The following CAPN13 variants were observed in gnomAD, a reference collection of about 807,000 sequenced individuals.
CAPN13 encodes the protein calpain-13.
In CAPN13, 90 loss-of-function variants were observed where a neutral mutation model predicts 98.4. The observed-to-expected ratio is 0.92, with a 90% CI of 0.77 to 1.09. CAPN13 has a LOEUF of 1.09. Among genes scored for constraint, CAPN13 ranks in the 50% least tolerant of loss-of-function variants. The pLI is 0.00. For synonymous variants in CAPN13, 330 were observed against 305.5 expected (o/e 1.08, Z -0.84); for missense variants, 887 against 841.3 (o/e 1.05, Z -0.67).
intron 15 of CAPN13, chr2:30,741,521 C>T (rs1671652423): frequency 9.5e-7 from 1 of 1,055,352 alleles, no homozygotes; most frequent in Non-Finnish European, 1.1e-6. Flanking sequence ...TATGTGCTTT[C>T]TGAAGCTGGC....
intron 11 of CAPN13, 103 bp from the exon 12 acceptor site, chr2:30,745,837 T>C: frequency 1.2e-6 from 1 of 861,032 alleles, no homozygotes; most frequent in Non-Finnish European, 1.8e-6. Context: ...CTGCATTCCT[T>C]CTCCTTTTCT....
intron 15 of CAPN13, among the ~76,000 whole-genome samples, chr2:30,740,827 A>C (rs1671615713): frequency 6.6e-6 from 1 of 152,222 alleles, no homozygotes; most frequent in Admixed American, 6.5e-5. Context: ...CCTGCCACTG[A>C]AGGAAGCTTG....
At chr2:30,752,447 C>G (rs535645628) in intron 10 of CAPN13, among the ~76,000 whole-genome samples, 1 of 152,312 alleles carries the variant, frequency 6.6e-6, no homozygotes, top group East Asian at 1.9e-4. Context: ...AGGCCATGAT[C>G]AACAAGATTC....
At chr2:30,725,093 T>C (rs572930614) in intron 22 of CAPN13, among the ~76,000 whole-genome samples, 3 of 152,198 alleles carry the variant, frequency 2.0e-5, no homozygotes, top group Non-Finnish European at 2.9e-5. Flanking sequence ...TGGATGTAGA[T>C]GACATTAGCT....
intron 22 of CAPN13, among the ~76,000 whole-genome samples, chr2:30,723,701 AG>A (rs1234954074): frequency 6.6e-6 from 1 of 152,186 alleles, no homozygotes; most frequent in African/African-American, 2.4e-5. Context: ...TCTCAAGTGC[AG>A]GGGGCTTGGA....
At chr2:30,799,911 A>C (rs558509153) in intron 1 of CAPN13, among the ~76,000 whole-genome samples, 1 of 151,958 alleles carries the variant, frequency 6.6e-6, no homozygotes, top group East Asian at 1.9e-4. Flanking sequence ...GTCTCTACTA[A>C]AAATACAAAA....
intron 15 of CAPN13, among the ~76,000 whole-genome samples, chr2:30,740,800 T>C (rs1440895696): frequency 1.3e-5 from 2 of 152,232 alleles, no homozygotes; most frequent in African/African-American, 2.4e-5. Context: ...GCATGGGCCA[T>C]GTGTGAGAAT....
At chr2:30,780,661 G>GA in intron 2 of CAPN13, among the ~76,000 whole-genome samples, 1 of 152,198 alleles carries the variant, frequency 6.6e-6, no homozygotes, top group African/African-American at 2.4e-5. Flanking sequence ...AAGTTTATGG[G>GA]AAAACATAGG....
At chr2:30,796,466 T>C (rs967510337) in intron 1 of CAPN13, among the ~76,000 whole-genome samples, 5 of 151,994 alleles carry the variant, frequency 3.3e-5, no homozygotes, top group African/African-American at 1.2e-4. Flanking sequence ...TGCACTGTAA[T>C]AGTCACAGAG....
chr2:30,752,815 T>C (rs1176305516), intron 10 of CAPN13, among the ~76,000 whole-genome samples: 1 of 152,234 alleles, frequency 6.6e-6, no homozygotes, highest in Non-Finnish European at 1.5e-5. Context: ...TGGAAGGATA[T>C]TGGCACAGCA....
chr2:30,758,934 C>T (rs1330620984), intron 7 of CAPN13, among the ~76,000 whole-genome samples: 4 of 142,998 alleles, frequency 2.8e-5, no homozygotes, highest in Non-Finnish European at 6.1e-5. Flanking sequence ...CTTCCTTTTC[C>T]TCCCTCCCTC....
rs530076708 is a variant in CAPN13 at position 30,798,586 on chromosome 2, A to G, written c.-33+8716T>C. ...TAATTTTGTTTGCATTTTGTTTTCAATCAGCTAAGAAACAGGAAGCTGCAT... is the reference window on the plus strand; with the variant it reads ...TAATTTTGTTTGCATTTTGTTTTCAGTCAGCTAAGAAACAGGAAGCTGCAT... On this transcript the variant is annotated intron_variant, in intron 1 of 22. Transcript: ENST00000295055. 2.6e-5 allele frequency among the ~76,000 whole-genome samples: 4 copies of G among 152,202 alleles called. 1 individual carries two copies. Among genetic ancestry groups the G allele is most frequent in the Non-Finnish European group, 4.4e-5 (3 of 68,046 alleles).
chr2:30,781,899 A>G (rs1486214767), intron 2 of CAPN13, among the ~76,000 whole-genome samples: 1 of 152,202 alleles, frequency 6.6e-6, no homozygotes, highest in Non-Finnish European at 1.5e-5. Flanking sequence ...CTAGCAATAA[A>G]TATGTCAACA....
intron 8 of CAPN13, among the ~76,000 whole-genome samples, chr2:30,754,703 T>A (rs1046222549): frequency 6.6e-6 from 1 of 152,012 alleles, no homozygotes; most frequent in Admixed American, 6.5e-5. Context: ...GAGGAGTCCC[T>A]CTCTCACACC....
At position 30,777,629 on chromosome 2, in the gene CAPN13, C is replaced by CT; in HGVS notation, c.208_209insA (p.Gly70GlufsTer10). The CT allele has an allele frequency of 6.4e-7, 1 of 1,573,396 alleles. No homozygotes were observed. Among genetic ancestry groups the CT allele is most frequent in the South Asian group, 1.2e-5 (1 of 85,422 alleles). Reference sequence around the variant, plus strand: ...ATCCAGGATGAAGTGAGGAGGACCCCCTGGTAGATCCTTTAGGAAAGAGGG... The same window carrying CT: ...ATCCAGGATGAAGTGAGGAGGACCCCTCTGGTAGATCCTTTAGGAAAGAGGG... On this transcript the variant is annotated frameshift_variant, in exon 3 of 23. Transcript: ENST00000295055. LOFTEE classifies it high-confidence loss of function.
intron 11 of CAPN13, among the ~76,000 whole-genome samples, chr2:30,749,483 A>G (rs1344118780): frequency 1.3e-5 from 2 of 152,220 alleles, no homozygotes; most frequent in East Asian, 3.9e-4. Context: ...GTGTCTGTCC[A>G]TAAATGCACT....
At chr2:30,746,660 A>G in intron 11 of CAPN13, 1 of 205,144 alleles carries the variant, frequency 4.9e-6, no homozygotes, top group South Asian at 8.1e-5. Context: ...GGAATGGATC[A>G]ATGAGGATAA....
chr2:30,800,148 G>GAAAGAAAGAAAGAAAGAAAGAA (rs1558351660), intron 1 of CAPN13, among the ~76,000 whole-genome samples: 2 of 147,956 alleles, frequency 1.4e-5, no homozygotes, highest in Non-Finnish European at 1.5e-5. Flanking sequence ...AAGAAAGAAA[G>GAAAGAAAGAAAGAAAGAAAGAA]AAAGAAAGAA....
At position 30,754,362 on chromosome 2, in the gene CAPN13, G is replaced by A; in HGVS notation, c.869C>T (p.Ser290Phe). 1 of 1,603,692 alleles carries A rather than the reference G, an allele frequency of 6.2e-7. No individual in the cohort carries two copies. Among genetic ancestry groups the A allele is most frequent in the Non-Finnish European group, 8.5e-7 (1 of 1,176,142 alleles). ...ATCACAGGTTTCCTCCCACTCCTGA[G>A]ACCTGAGCATGGACACACAAACCAC... ...AEWRGRWSDG[S>F]QEWEETCDPR... is the part of the protein sequence containing the mutation. The change falls in exon 9 of 23, where the codon TCT becomes TTT. Residue 290 changes from serine to phenylalanine, a missense_variant and splice_region_variant. Coordinates refer to ENST00000295055, the MANE Select transcript of CAPN13 (RefSeq NM_144575.3).
Sources: allele counts gnomAD v4.1 joint callset (sites outside exome capture counted in the v4.1 genomes callset), GRCh38; gene constraint gnomAD v4.1.1; transcripts MANE v1.5; gene names NCBI Gene and HGNC (gene_info 2026-07-23, HGNC 2026-07-21).